Variants in ANO10 observed in about 807,000 individuals in gnomAD.
ANO10 encodes anoctamin 10.
Under a neutral mutation model 74.7 loss-of-function variants are expected in ANO10, and 77 were observed. The ratio of observed to expected loss-of-function variants is 1.03; its 90% CI spans 0.86 to 1.25. The LOEUF is 1.25. ANO10 is among the 50% of genes most tolerant of loss of function. ANO10 has a pLI of 0.00. For synonymous variants in ANO10, 279 were observed against 284.9 expected (o/e 0.98, Z 0.21); for missense variants, 721 against 778.1 (o/e 0.93, Z 0.87).
rs559744155 is a variant in ANO10, at chr3:43,640,140, T to C, written c.-11-34277A>G. Among the ~76,000 whole-genome samples the C allele has an allele frequency of 1.9e-4, 29 of 152,332 alleles. No individual in the cohort carries two copies. In the South Asian group the frequency reaches 5.8e-3, roughly 30 times the overall value. On this transcript the variant is annotated intron_variant, in intron 1 of 3. Coordinates refer to the ANO10 transcript ENST00000413397. ...AAGGATTGATATTTAAACACATCAG[T>C]CATTAGATGTCTTTATATTTAATGG... is the stretch of plus-strand genomic sequence containing the variant.
rs1402862213 is a variant in ANO10 at position 43,691,042 on chromosome 3, A to T, written c.-12+475T>A. The T allele has an allele frequency of 1.9e-6, 3 of 1,553,294 alleles. No homozygotes were observed. The African/African-American group carries it at 4.3e-5, about 22-fold the overall frequency. ...GACTCTGCCGACACCGGAGAGAGGT[A>T]AGCGCAGCCGGCAGGGGGCTTCGTG... is the stretch of plus-strand genomic sequence containing the variant. On this transcript the variant is annotated intron_variant, in intron 1 of 3. Transcript: ENST00000413397.
intron 1 of ANO10, among the ~76,000 whole-genome samples, chr3:43,674,060 CAT>C (rs761496342): frequency 2.0e-5 from 3 of 152,282 alleles, no homozygotes; most frequent in South Asian, 2.1e-4. Flanking sequence ...TTTTTGATCA[CAT>C]GTTAATGGGA....
intron 1 of ANO10, among the ~76,000 whole-genome samples, chr3:43,659,253 G>A (rs192643926): frequency 1.4e-3 from 218 of 152,294 alleles, no homozygotes; most frequent in African/African-American, 5.0e-3. Flanking sequence ...AGGGTGGGGC[G>A]TCACCTCACC....
At chr3:43,487,468 G>A (rs1575236834) in intron 11 of ANO10, among the ~76,000 whole-genome samples, 2 of 151,874 alleles carry the variant, frequency 1.3e-5, no homozygotes, top group South Asian at 2.1e-4. Flanking sequence ...ATTGATTATT[G>A]CCACAATTTC....
At chr3:43,688,070 GGAAGATCAT>G (rs1278389247) in intron 1 of ANO10, among the ~76,000 whole-genome samples, 2 of 152,182 alleles carry the variant, frequency 1.3e-5, no homozygotes, top group African/African-American at 4.8e-5. Flanking sequence ...CCAGAGTTGA[GGAAGATCAT>G]GAAGTCCTGT....
intron 1 of ANO10, among the ~76,000 whole-genome samples, chr3:43,676,497 G>T (rs967429990): frequency 6.6e-6 from 1 of 152,074 alleles, no homozygotes; most frequent in African/African-American, 2.4e-5. Context: ...ATTCTATAAT[G>T]ATTCTATTTA....
intron 6 of ANO10, 147 bp from the exon 7 acceptor site, chr3:43,575,011 T>A: frequency 2.8e-6 from 2 of 703,578 alleles, no homozygotes; most frequent in Middle Eastern, 2.4e-4. Context: ...ATCACAGCTA[T>A]GCCTTACCAC....
intron 1 of ANO10, among the ~76,000 whole-genome samples, chr3:43,615,804 C>T (rs886374465): frequency 2.6e-5 from 4 of 151,990 alleles, no homozygotes; most frequent in Admixed American, 2.6e-4. Context: ...CAGGGGCATG[C>T]CACCACGCCC....
intron 7 of ANO10, among the ~76,000 whole-genome samples, chr3:43,572,999 T>C (rs76604686): frequency 6.7e-6 from 1 of 148,982 alleles, no homozygotes; most frequent in Non-Finnish European, 1.5e-5. Context: ...CAACGGCTTT[T>C]TTTTTTTTTT....
chr3:43,669,778 G>C (rs1240822242), intron 1 of ANO10, among the ~76,000 whole-genome samples: 1 of 152,014 alleles, frequency 6.6e-6, no homozygotes, highest in Non-Finnish European at 1.5e-5. Flanking sequence ...CCAGGCCAGA[G>C]TGCAGTGGCA....
intron 11 of ANO10, among the ~76,000 whole-genome samples, chr3:43,540,766 T>A (rs1482502621): frequency 2.6e-5 from 4 of 152,156 alleles, no homozygotes; most frequent in African/African-American, 9.7e-5. Flanking sequence ...AGAGCTGGGT[T>A]AACAGGGGAA....
chr3:43,404,124 C>T (rs2092532470), intron 12 of ANO10, among the ~76,000 whole-genome samples: 1 of 152,144 alleles, frequency 6.6e-6, no homozygotes, highest in Non-Finnish European at 1.5e-5. Flanking sequence ...CATAGTGGGC[C>T]AGACTTAGTA....
rs369752949 is a variant in ANO10 at position 43,561,318 on chromosome 3, C to T, written c.1378G>A (p.Gly460Ser). 6.2e-7 allele frequency: 1 copy of T among 1,614,108 alleles called. No individual in the cohort carries two copies. Among genetic ancestry groups the T allele is most frequent in the African/African-American group, 1.3e-5 (1 of 75,030 alleles). Residue 460 changes from glycine to serine, a missense_variant, in exon 9 of 13, where the codon GGT (glycine) becomes AGT (serine). Transcript: ENST00000292246. ...FLPYWLQRKH[G>S]VRVKRKVQAL... ...TGCACCTTCCTCTTCACCCGCACAC[C>T]ATGCTTCCTTTGGAGCCAATAAGGA...
At chr3:43,680,563 A>T (rs2084182407) in intron 1 of ANO10, among the ~76,000 whole-genome samples, 1 of 152,178 alleles carries the variant, frequency 6.6e-6, no homozygotes, top group African/African-American at 2.4e-5. Flanking sequence ...CAATATTCAA[A>T]TTCAGGAAAT....
chr3:43,447,909 T>C (rs1429536467), intron 11 of ANO10, among the ~76,000 whole-genome samples: 1 of 152,226 alleles, frequency 6.6e-6, no homozygotes, highest in Non-Finnish European at 1.5e-5. Flanking sequence ...TTTTCACAAA[T>C]GCATTGTTAT....
At chr3:43,657,259 A>G (rs1400740176) in intron 1 of ANO10, among the ~76,000 whole-genome samples, 1 of 152,206 alleles carries the variant, frequency 6.6e-6, no homozygotes, top group East Asian at 1.9e-4. Context: ...GCTCCCAACA[A>G]CCTACTAGTC....
intron 11 of ANO10, among the ~76,000 whole-genome samples, chr3:43,525,817 T>C (rs1429339396): frequency 6.6e-6 from 1 of 152,190 alleles, no homozygotes; most frequent in African/African-American, 2.4e-5. Context: ...CTGTTTTCAA[T>C]ATCAAAATGC....
chr3:43,650,421 A>G (rs1417417863), intron 1 of ANO10, among the ~76,000 whole-genome samples: 2 of 152,236 alleles, frequency 1.3e-5, no homozygotes, highest in East Asian at 1.9e-4. Context: ...CAAAATGATC[A>G]AGGATATCAA....
At chr3:43,502,427 G>C (rs2077132928) in intron 11 of ANO10, among the ~76,000 whole-genome samples, 1 of 152,206 alleles carries the variant, frequency 6.6e-6, no homozygotes, top group East Asian at 1.9e-4. Context: ...TTGTCAGAAA[G>C]AGCCTGGCAC....
Sources: allele counts gnomAD v4.1 joint callset (sites outside exome capture counted in the v4.1 genomes callset), GRCh38; gene constraint gnomAD v4.1.1; transcripts MANE v1.5; gene names NCBI Gene and HGNC (gene_info 2026-07-23, HGNC 2026-07-21).